The following DLGAP2 variants were observed in gnomAD, a reference collection of about 807,000 sequenced individuals.
The protein encoded by DLGAP2 is disks large-associated protein 2.
Under a neutral mutation model 100.3 loss-of-function variants are expected in DLGAP2, and 26 were observed. The observed-to-expected ratio is 0.26, with a 90% CI of 0.19 to 0.36. The LOEUF is 0.36. DLGAP2 is among the 10% of genes least tolerant of loss of function. The probability of loss-of-function intolerance (pLI) is 1.00; values close to 1 mark genes in which losing one functional copy is unlikely to be tolerated. For missense variants in DLGAP2, 1,858 were observed against 1,453.2 expected (o/e 1.28, Z -4.53); for synonymous variants, 886 against 630.1 (o/e 1.41, Z -6.08).
intron 3 of DLGAP2, among the ~76,000 whole-genome samples, chr8:1,336,329 G>A (rs1239469918): frequency 6.6e-6 from 1 of 152,244 alleles, no homozygotes; most frequent in Non-Finnish European, 1.5e-5. Flanking sequence ...TGGAAGTGAA[G>A]AAGGGAGAGG....
At position 745,073 on chromosome 8, in the gene DLGAP2, C is replaced by T. The variant is rs556786716; in HGVS notation, c.18+7248C>T. Among the ~76,000 whole-genome samples the T allele has an allele frequency of 1.6e-4, 24 of 152,340 alleles. No homozygotes were observed. The South Asian group carries it at 3.3e-3, about 21-fold the overall frequency. On this transcript the variant is annotated intron_variant, in intron 1 of 14. Transcript: ENST00000637795. ...TCGTAAATACACACCGTGAATGCCT[C>T]GTTACGCCACCGTCCCTTCTCCCGC... is the stretch of plus-strand genomic sequence containing the variant.
At chr8:809,741 G>T (rs1186426730) in intron 1 of DLGAP2, among the ~76,000 whole-genome samples, 1 of 152,112 alleles carries the variant, frequency 6.6e-6, no homozygotes, top group African/African-American at 2.4e-5. Flanking sequence ...CCCTCCCCTG[G>T]CCTTGGAGAG....
chr8:824,940 A>C lies in DLGAP2; in HGVS notation c.19-82972A>C, dbSNP rs550541821. Reference sequence around the variant, plus strand: ...AAGCCACAGGGCATCAGGGGATAGGAGACAGAGATTTTGAGAGGGGCCGCC... The same window carrying C: ...AAGCCACAGGGCATCAGGGGATAGGCGACAGAGATTTTGAGAGGGGCCGCC... On this transcript the variant is annotated intron_variant, in intron 1 of 14. Transcript: ENST00000637795. Among the ~76,000 whole-genome samples the C allele has an allele frequency of 6.6e-5, 10 of 152,200 alleles. No homozygotes were observed. The East Asian group carries it at 7.8e-4, about 12-fold the overall frequency.
At chr8:1,697,090 C>T in intron 13 of DLGAP2, 57 bp from the exon 14 acceptor site, 1 of 1,457,986 alleles carries the variant, frequency 6.9e-7, no homozygotes, top group Non-Finnish European at 9.1e-7. Context: ...GTGGCCTCCC[C>T]AGCCCTGTGC....
chr8:764,362 C>A (rs1268344776), intron 1 of DLGAP2, among the ~76,000 whole-genome samples: 1 of 152,202 alleles, frequency 6.6e-6, no homozygotes. Context: ...TTCTCACTTC[C>A]TATGAACTAC....
At chr8:1,620,455 G>A (rs950738478) in intron 6 of DLGAP2, 1 of 152,336 alleles carries the variant, frequency 6.6e-6, no homozygotes, top group African/African-American at 2.4e-5. Flanking sequence ...AGCACTCAGA[G>A]GTTCACAGCC....
intron 2 of DLGAP2, among the ~76,000 whole-genome samples, chr8:988,127 A>G (rs568078009): frequency 6.6e-6 from 1 of 152,018 alleles, no homozygotes; most frequent in Non-Finnish European, 1.5e-5. Context: ...TATGGTTTTC[A>G]CGTTCTTATA....
Position 1,387,016 on chromosome 8 carries a change from A to G in DLGAP2, c.107-114350A>G, listed in dbSNP as rs147961212. 4.8e-4 allele frequency among the ~76,000 whole-genome samples: 73 copies of G among 152,328 alleles called. 1 individual carries two copies. In the East Asian group the frequency reaches 0.013, roughly 28 times the overall value. On this transcript the variant is annotated intron_variant, in intron 3 of 14. Transcript: ENST00000637795. ...TACCTAAAAATAAATTTAATACTAAATGTTAATTGGACGTCATATTGGTAA... is the reference window on the plus strand; with the variant it reads ...TACCTAAAAATAAATTTAATACTAAGTGTTAATTGGACGTCATATTGGTAA...
chr8:1,226,029 T>C lies in DLGAP2; in HGVS notation c.74-32822T>C, dbSNP rs114131408. On this transcript the variant is annotated intron_variant, in intron 2 of 14. Transcript: ENST00000637795. The stretch of plus-strand genomic sequence containing the variant: ...TCTCATAGGTATATATGCATATATA[T>C]GGTATATATGGAAGAGGAATTGCTG... Among the ~76,000 whole-genome samples, 1,487 of 152,222 alleles carry C rather than the reference T, an allele frequency of 9.8e-3. 24 individuals carry two copies. The highest frequency in any genetic ancestry group is 0.034 in the African/African-American group (1,412 of 41,532).
chr8:1,486,079 A>G (rs1362641202), intron 3 of DLGAP2, among the ~76,000 whole-genome samples: 1 of 152,218 alleles, frequency 6.6e-6, no homozygotes, highest in Non-Finnish European at 1.5e-5. Flanking sequence ...ATGGTCTTCA[A>G]GATCTCTGCT....
chr8:1,386,537 C>G (rs1021831017), intron 3 of DLGAP2, among the ~76,000 whole-genome samples: 5 of 152,172 alleles, frequency 3.3e-5, no homozygotes, highest in African/African-American at 7.2e-5. Context: ...CAGGCACAGG[C>G]ACACCACCGG....
At chr8:1,629,619 C>T (rs190113060) in intron 7 of DLGAP2, among the ~76,000 whole-genome samples, 92 of 152,360 alleles carry the variant, frequency 6.0e-4, no homozygotes, top group Non-Finnish European at 1.3e-3. Context: ...GATGAGGATA[C>T]AGCAGACTTT....
intron 3 of DLGAP2, among the ~76,000 whole-genome samples, chr8:1,334,925 A>C (rs11136385): frequency 0.41 from 62,185 of 152,088 alleles, 14,827 homozygotes; most frequent in African/African-American, 0.66. Flanking sequence ...TGCGGGGCAC[A>C]AGTTTGCCAT....
At chr8:955,152 T>C (rs538017511) in intron 2 of DLGAP2, among the ~76,000 whole-genome samples, 1 of 152,186 alleles carries the variant, frequency 6.6e-6, no homozygotes, top group East Asian at 1.9e-4. Context: ...CTGGCAGGTC[T>C]TCATGCTCAT....
chr8:740,863 C>A (rs1295146421), intron 1 of DLGAP2, among the ~76,000 whole-genome samples: 1 of 152,046 alleles, frequency 6.6e-6, no homozygotes, highest in Non-Finnish European at 1.5e-5. Context: ...TATTTATTGA[C>A]CCTCAGGATG....
chr8:909,873 G>C (rs1263931142), intron 2 of DLGAP2, among the ~76,000 whole-genome samples: 1 of 152,202 alleles, frequency 6.6e-6, no homozygotes, highest in Non-Finnish European at 1.5e-5. Context: ...TGATTTAGGA[G>C]ATCTTGTTTG....
intron 3 of DLGAP2, among the ~76,000 whole-genome samples, chr8:1,321,217 A>G (rs949012900): frequency 7.0e-6 from 1 of 142,698 alleles, no homozygotes; most frequent in African/African-American, 2.7e-5. Context: ...GTGCCTCTGC[A>G]TGTGTGTGTG....
At chr8:1,588,347 G>T (rs1365142490) in intron 6 of DLGAP2, among the ~76,000 whole-genome samples, 1 of 152,166 alleles carries the variant, frequency 6.6e-6, no homozygotes, top group Non-Finnish European at 1.5e-5. Context: ...TGAGGACACA[G>T]TTAAGTGGAA....
intron 1 of DLGAP2, among the ~76,000 whole-genome samples, chr8:855,192 A>G (rs186658791): frequency 2.3e-3 from 347 of 152,354 alleles, no homozygotes; most frequent in African/African-American, 7.9e-3. Context: ...AGACACCTGC[A>G]GGCATTTATG....
Sources: gnomAD v4.1 joint callset for allele counts (sites outside exome capture counted in the v4.1 genomes callset) on GRCh38, gnomAD v4.1.1 for gene constraint, MANE v1.5 for transcripts, NCBI Gene and HGNC (gene_info 2026-07-23, HGNC 2026-07-21) for gene names.